Variants in IFIT3 observed in about 807,000 individuals in gnomAD.
IFIT3 encodes interferon induced protein with tetratricopeptide repeats 3, also known as interferon-induced protein with tetratricopeptide repeats 3.
A neutral mutation model predicts 2.4 loss-of-function variants in IFIT3; 2 were observed. The observed-to-expected ratio is 0.82, with a 90% CI of 0.34 to 2.60. The LOEUF is 2.60. Ranked by LOEUF, IFIT3 falls within the 30% of genes most tolerant of loss-of-function variation. The pLI is 0.11. For missense variants in IFIT3, 481 were observed against 562.4 expected (o/e 0.86, Z 1.46); for synonymous variants, 203 against 212.1 (o/e 0.96, Z 0.37).
intron 1 of IFIT3, among the ~76,000 whole-genome samples, chr10:89,334,638 G>A (rs547174542): frequency 2.5e-4 from 38 of 151,462 alleles, no homozygotes; most frequent in Non-Finnish European, 1.9e-4. Context: ...GATTACAGGC[G>A]CCTGCCACCA....
intron 1 of IFIT3, among the ~76,000 whole-genome samples, chr10:89,333,439 T>C: frequency 6.6e-6 from 1 of 152,158 alleles, no homozygotes; most frequent in Middle Eastern, 3.2e-3. Flanking sequence ...AATCCTCTCT[T>C]CCTTAAATGC....
intron 1 of IFIT3, among the ~76,000 whole-genome samples, chr10:89,334,445 A>G (rs1043855466): frequency 5.8e-5 from 8 of 138,276 alleles, no homozygotes; most frequent in African/African-American, 2.1e-4. Context: ...ACCTGAACCT[A>G]GCTATTCTGT....
rs796579993 is a variant in IFIT3, at chr10:89,340,650, T to C, written c.*522T>C. 2.3e-4 allele frequency: 35 copies of C among 151,830 alleles called. No individual in the cohort carries two copies. The highest frequency in any genetic ancestry group is 8.0e-4 in the African/African-American group (33 of 41,386). The allele number at this position is 151,830 out of a possible 1,614,324, so 9.4% of individuals were successfully genotyped here. A position where few individuals can be genotyped will look rare whatever the true frequency, so the allele number is the denominator to read the frequency against. ...GTCCGAAGGTCTTACAACTAATCAC[T>C]GGTAGCAATAAATGCTTCAGGCCCA... On this transcript the variant is annotated 3_prime_UTR_variant, in exon 2 of 2. Coordinates refer to ENST00000371818, the MANE Select transcript of IFIT3 (RefSeq NM_001549.6).
At chr10:89,331,858 C>CAAAAAAAAAAAAAA (rs10540155) in intron 1 of IFIT3, among the ~76,000 whole-genome samples, 1 of 80,606 alleles carries the variant, frequency 1.2e-5, no homozygotes, top group Non-Finnish European at 2.6e-5. Flanking sequence ...GATCCTGTCT[C>CAAAAAAAAAAAAAA]AAAAAAAAAA....
intron 1 of IFIT3, among the ~76,000 whole-genome samples, chr10:89,329,485 C>T (rs544454195): frequency 3.3e-5 from 5 of 152,106 alleles, no homozygotes; most frequent in Non-Finnish European, 5.9e-5. Flanking sequence ...CTGAACTATG[C>T]TGGACTCAGG....
Position 89,339,897 on chromosome 10 carries a change from A to C in IFIT3, c.1242A>C (p.Ala414=), listed in dbSNP as rs761060205. 13 of 1,614,174 alleles carry C rather than the reference A, an allele frequency of 8.1e-6. No homozygotes were observed. The highest frequency in any genetic ancestry group is 1.1e-5 in the South Asian group (1 of 91,082). The change falls in exon 2 of 2, where the codon GCA becomes GCC. Residue 414 remains alanine (A), a synonymous_variant. Coordinates refer to ENST00000371818, the MANE Select transcript of IFIT3 (RefSeq NM_001549.6). ...NVSENLLPQN[A]PNYWYLQGLI... ...CTGAAAATCTGCTTCCACAAAATGCACCAAATTATTGGTATCTTCAAGGAT... is the reference window on the plus strand; with the variant it reads ...CTGAAAATCTGCTTCCACAAAATGCCCCAAATTATTGGTATCTTCAAGGAT...
At position 89,332,701 on chromosome 10, in the gene IFIT3, GT is replaced by G; in HGVS notation, c.5+4626del. On this transcript the variant is annotated intron_variant, in intron 1 of 1. Transcript: ENST00000371818. ...ACTTCCTGACTTATGCTATTTCAGTGTTTGCTTAGAGATGAAATATGCATTT... is the reference window on the plus strand; with the variant it reads ...ACTTCCTGACTTATGCTATTTCAGTGTTGCTTAGAGATGAAATATGCATTT... 2.1e-6 allele frequency: 3 copies of G among 1,448,852 alleles called. No individual in the cohort carries two copies. The East Asian group carries it at 6.8e-5, about 33-fold the overall frequency. The allele number at this position is 1,448,852 out of a possible 1,614,324, so 89.7% of individuals were successfully genotyped here.
In IFIT3 at chr10:89,339,073, T is replaced by C. The variant is rs377495823; in HGVS notation, c.418T>C (p.Cys140Arg). The change falls in exon 2 of 2, where the codon TGT becomes CGT. Residue 140 changes from cysteine (C) to arginine (R), a missense_variant. By Grantham distance (180) the Cys-to-Arg change is radical. Transcript: ENST00000371818. The part of the protein sequence containing the change: ...PYSIEYSELD[C>R]EEGWTQLKCG... ...CAGTATTGAGTATTCTGAACTTGAC[T>C]GTGAGGAAGGGTGGACACAACTGAA... 19 of 1,613,926 alleles carry C rather than the reference T, an allele frequency of 1.2e-5. No individual in the cohort carries two copies. In the African/African-American group the frequency reaches 2.3e-4, roughly 19 times the overall value.
intron 1 of IFIT3, among the ~76,000 whole-genome samples, chr10:89,332,299 T>C (rs561289766): frequency 6.6e-6 from 1 of 152,366 alleles, no homozygotes; most frequent in African/African-American, 2.4e-5. Context: ...CTTTGCCTCT[T>C]GACATAACAC....
In IFIT3 at chr10:89,329,719, T is replaced by A. The variant is rs146209914; in HGVS notation, c.5+1641T>A. Among the ~76,000 whole-genome samples, 71 of 152,324 alleles carry A rather than the reference T, an allele frequency of 4.7e-4. 1 individual carries two copies. In the East Asian group the frequency reaches 0.011, roughly 23 times the overall value. The stretch of plus-strand genomic sequence containing the variant: ...TAAAATTATAACACAAATATATTAG[T>A]ACCAGCAATCATGGTGGTAACATTT... On this transcript the variant is annotated intron_variant, in intron 1 of 1. Coordinates refer to ENST00000371818, the MANE Select transcript of IFIT3 (RefSeq NM_001549.6).
intron 1 of IFIT3, among the ~76,000 whole-genome samples, chr10:89,337,329 G>T (rs1208708514): frequency 3.9e-5 from 6 of 152,172 alleles, no homozygotes; most frequent in Admixed American, 3.9e-4. Flanking sequence ...AAGAGTCATG[G>T]GATAGCTAAA....
rs138195390 is a variant in IFIT3, at chr10:89,338,879, G to A, written c.224G>A (p.Arg75Gln). ...AACGAGGCAGCCCTGGAATGCTTAC[G>A]GCAAGCTGAAGAGTTAATCCAGCAA... ...GNNEAALECL[R>Q]QAEELIQQEH... The change falls in exon 2 of 2, where the codon CGG (arginine) becomes CAG (glutamine). Residue 75 changes from arginine to glutamine, a missense_variant. By Grantham distance (43) the Arg-to-Gln change is conservative. Transcript: ENST00000371818. The A allele has an allele frequency of 9.3e-6, 15 of 1,614,104 alleles. No individual in the cohort carries two copies. The highest frequency in any genetic ancestry group is 1.6e-4 in the Middle Eastern group (1 of 6,062).
chr10:89,336,102 C>T (rs1843734341), intron 1 of IFIT3, among the ~76,000 whole-genome samples: 1 of 148,128 alleles, frequency 6.8e-6, no homozygotes, highest in South Asian at 2.2e-4. Context: ...ATAGTGAGAC[C>T]CTGTCTCTGC....
intron 1 of IFIT3, among the ~76,000 whole-genome samples, chr10:89,330,599 T>G (rs1298730316): frequency 6.6e-6 from 1 of 152,160 alleles, no homozygotes; most frequent in Non-Finnish European, 1.5e-5. Context: ...GGGCATAATT[T>G]TCTATCATTT....
intron 1 of IFIT3, among the ~76,000 whole-genome samples, 184 bp from the exon 2 acceptor site, chr10:89,338,477 C>T (rs1843783895): frequency 6.6e-6 from 1 of 152,192 alleles, no homozygotes. Flanking sequence ...ATCTGCTCTA[C>T]TCAGTCCACC....
In IFIT3 at chr10:89,328,703, T is replaced by A. The variant is rs186072604; in HGVS notation, c.5+625T>A. On this transcript the variant is annotated intron_variant, in intron 1 of 1. Transcript: ENST00000371818. Reference sequence around the variant, plus strand: ...CTTATATAAAAACAAACCCAAAGCTTAGCATTTATTTTTATTGATGTAGTG... The same window carrying A: ...CTTATATAAAAACAAACCCAAAGCTAAGCATTTATTTTTATTGATGTAGTG... 1.4e-3 allele frequency among the ~76,000 whole-genome samples: 217 copies of A among 152,312 alleles called. 2 individuals are homozygous for A. Among genetic ancestry groups the A allele is most frequent in the African/African-American group, 4.1e-3 (171 of 41,568 alleles).
In IFIT3 at chr10:89,332,658, C is replaced by G. The variant is rs1278772560; in HGVS notation, c.5+4580C>G. 3 of 1,607,524 alleles carry G rather than the reference C, an allele frequency of 1.9e-6. No homozygotes were observed. The African/African-American group carries it at 4.0e-5, about 21-fold the overall frequency. ...TAGTCCCTGCTTCTCTGATAGGAAA[C>G]AGAATTTCTTATGTACAACTTCCTG... On this transcript the variant is annotated intron_variant, in intron 1 of 1. Coordinates refer to ENST00000371818, the MANE Select transcript of IFIT3 (RefSeq NM_001549.6).
chr10:89,338,572 C>A, intron 1 of IFIT3, 89 bp from the exon 2 acceptor site: 1 of 1,264,764 alleles, frequency 7.9e-7, no homozygotes, highest in Non-Finnish European at 1.1e-6. Context: ...CATCCTGTGG[C>A]CCAGTTCAAT....
chr10:89,330,955 A>G lies in IFIT3; in HGVS notation c.5+2877A>G, dbSNP rs567702282. ...CCAGAATCTCTGGGAGTAGGACTGC[A>G]TAGTCAGTACTGTCAATATACAATA... On this transcript the variant is annotated intron_variant, in intron 1 of 1. Transcript: ENST00000371818. Among the ~76,000 whole-genome samples the G allele has an allele frequency of 7.5e-4, 115 of 152,348 alleles. 1 individual carries two copies. Among genetic ancestry groups the G allele is most frequent in the African/African-American group, 2.7e-3 (112 of 41,584 alleles).
Sources: allele counts gnomAD v4.1 joint callset (sites outside exome capture counted in the v4.1 genomes callset), GRCh38; gene constraint gnomAD v4.1.1; transcripts MANE v1.5; gene names NCBI Gene and HGNC (gene_info 2026-07-23, HGNC 2026-07-21).